The following KHDRBS3 variants were observed in gnomAD, a reference collection of about 807,000 sequenced individuals.
KHDRBS3 encodes the protein KH RNA binding domain containing, signal transduction associated 3, also known as KH domain-containing, RNA-binding, signal transduction-associated protein 3.
A neutral mutation model predicts 45.6 loss-of-function variants in KHDRBS3; 23 were observed. That is an observed-to-expected ratio of 0.50 (90% confidence interval 0.36 to 0.72). KHDRBS3 has a LOEUF of 0.72. KHDRBS3 is among the 30% of genes least tolerant of loss of function. The pLI, the probability that KHDRBS3 is intolerant of heterozygous loss-of-function variation, is 0.00. For missense variants in KHDRBS3, 352 were observed against 424.8 expected (o/e 0.83, Z 1.51); for synonymous variants, 162 against 156.5 (o/e 1.04, Z -0.26).
chr8:135,651,058 T>G (rs1168841118), downstream of KHDRBS3, among the ~76,000 whole-genome samples: 1 of 152,124 alleles, frequency 6.6e-6, no homozygotes, highest in African/African-American at 2.4e-5. Flanking sequence ...TACATGTGCT[T>G]TCTAGGCACA....
At chr8:135,552,170 T>G (rs908039680) in intron 4 of KHDRBS3, among the ~76,000 whole-genome samples, 1 of 152,216 alleles carries the variant, frequency 6.6e-6, no homozygotes, top group African/African-American at 2.4e-5. Context: ...GTTTATGTTT[T>G]TCATTAAATG....
At chr8:135,465,439 C>G (rs1239016573) in intron 1 of KHDRBS3, among the ~76,000 whole-genome samples, 1 of 152,096 alleles carries the variant, frequency 6.6e-6, no homozygotes, top group African/African-American at 2.4e-5. Flanking sequence ...ACTTTCATTT[C>G]TTAGGGTAAT....
chr8:135,486,175 G>A (rs991829870), intron 1 of KHDRBS3, among the ~76,000 whole-genome samples: 12 of 152,058 alleles, frequency 7.9e-5, no homozygotes, highest in African/African-American at 2.7e-4. Context: ...GTGATGAGGT[G>A]AGTCTCTTTC....
intron 3 of KHDRBS3, among the ~76,000 whole-genome samples, chr8:135,544,237 GGTCAGAACCACTGCTTGGTCAGAAGCAGT>G (rs891311928): frequency 2.6e-5 from 4 of 152,100 alleles, no homozygotes; most frequent in African/African-American, 9.7e-5. Flanking sequence ...TAAGGGGGTT[GGTCAGAACCACTGCTTGGTCAGAAGCAGT>G]GTTTTGTAGC....
At chr8:135,558,769 T>C (rs1042277519) in intron 5 of KHDRBS3, among the ~76,000 whole-genome samples, 5 of 87,912 alleles carry the variant, frequency 5.7e-5, no homozygotes, top group African/African-American at 2.7e-4. Flanking sequence ...CTGTGACAAA[T>C]TACCACAGAT....
At chr8:135,594,769 A>G (rs1828899669) in intron 6 of KHDRBS3, among the ~76,000 whole-genome samples, 1 of 152,200 alleles carries the variant, frequency 6.6e-6, no homozygotes, top group Non-Finnish European at 1.5e-5. Flanking sequence ...GCACAATAGG[A>G]ACTCTGATGC....
At chr8:135,576,965 C>G (rs1431102882) in intron 5 of KHDRBS3, among the ~76,000 whole-genome samples, 1 of 152,092 alleles carries the variant, frequency 6.6e-6, no homozygotes, top group African/African-American at 2.4e-5. Flanking sequence ...TCCACTCCAC[C>G]GTGAGAAACT....
intron 4 of KHDRBS3, among the ~76,000 whole-genome samples, chr8:135,555,372 G>GT (rs1826825256): frequency 6.7e-6 from 1 of 149,692 alleles, no homozygotes; most frequent in African/African-American, 2.5e-5. Flanking sequence ...GAAACATTGA[G>GT]ATTTTTTTTT....
chr8:135,645,651 CTT>C (rs924688763), intron 8 of KHDRBS3, among the ~76,000 whole-genome samples: 2 of 152,248 alleles, frequency 1.3e-5, no homozygotes, highest in Admixed American at 1.3e-4. Context: ...CTAAACCCCT[CTT>C]AATTCAGTGG....
chr8:135,536,234 G>GTTTTTTT (rs374782370), intron 2 of KHDRBS3, among the ~76,000 whole-genome samples: 42 of 86,408 alleles, frequency 4.9e-4, no homozygotes, highest in East Asian at 3.0e-3. Flanking sequence ...TTTCTGTCCA[G>GTTTTTTT]TTTTTTTTTT....
chr8:135,598,215 G>A (rs1829055360), intron 6 of KHDRBS3, among the ~76,000 whole-genome samples: 1 of 152,188 alleles, frequency 6.6e-6, no homozygotes. Flanking sequence ...GGATAGCTTT[G>A]ATTTTTCTCT....
intron 6 of KHDRBS3, among the ~76,000 whole-genome samples, chr8:135,587,282 G>A (rs979355839): frequency 1.4e-4 from 21 of 152,186 alleles, no homozygotes; most frequent in African/African-American, 4.6e-4. Flanking sequence ...ATGAACATCT[G>A]TTAGCAAATA....
At chr8:135,601,035 T>G (rs1216640230) in intron 6 of KHDRBS3, among the ~76,000 whole-genome samples, 3 of 152,216 alleles carry the variant, frequency 2.0e-5, no homozygotes, top group Non-Finnish European at 4.4e-5. Flanking sequence ...CTTGTGACTT[T>G]ATACTGCCAG....
chr8:135,536,438 G>C (rs1825761019), intron 2 of KHDRBS3, among the ~76,000 whole-genome samples: 2 of 152,084 alleles, frequency 1.3e-5, no homozygotes, highest in South Asian at 4.2e-4. Context: ...TGTTTGGGAA[G>C]GGCTTTTCAC....
At chr8:135,482,116 A>T (rs1212729133) in intron 1 of KHDRBS3, among the ~76,000 whole-genome samples, 1 of 152,174 alleles carries the variant, frequency 6.6e-6, no homozygotes, top group Non-Finnish European at 1.5e-5. Context: ...TGCTTTTCAG[A>T]ATTTGGAAAA....
chr8:135,473,250 C>T (rs1356258177), intron 1 of KHDRBS3, among the ~76,000 whole-genome samples: 11 of 152,160 alleles, frequency 7.2e-5, no homozygotes, highest in African/African-American at 2.7e-4. Context: ...AGCTTCTCTT[C>T]ATTGGTGACC....
chr8:135,496,561 G>T (rs1382453262), intron 1 of KHDRBS3, among the ~76,000 whole-genome samples: 1 of 102,702 alleles, frequency 9.7e-6, no homozygotes, highest in African/African-American at 2.8e-5. Flanking sequence ...AGTAATAGGG[G>T]TTTGAAAAAA....
chr8:135,564,184 T>A (rs1248850968), intron 5 of KHDRBS3, among the ~76,000 whole-genome samples: 1 of 152,170 alleles, frequency 6.6e-6, no homozygotes, highest in African/African-American at 2.4e-5. Flanking sequence ...GAGCATTAGA[T>A]CATATGTTAC....
At chr8:135,615,696 C>A (rs947296289) in intron 7 of KHDRBS3, among the ~76,000 whole-genome samples, 2 of 152,118 alleles carry the variant, frequency 1.3e-5, no homozygotes, top group African/African-American at 4.8e-5. Flanking sequence ...TGCTATAATT[C>A]AGTGATGTCA....
Sources: allele counts gnomAD v4.1 joint callset (sites outside exome capture counted in the v4.1 genomes callset), GRCh38; gene constraint gnomAD v4.1.1; transcripts MANE v1.5; gene names NCBI Gene and HGNC (gene_info 2026-07-23, HGNC 2026-07-21).